Variants in SEMA5A observed in about 807,000 individuals in gnomAD.
SEMA5A encodes semaphorin-5A.
In SEMA5A, 55 loss-of-function variants were observed where a neutral mutation model predicts 135.5. That is an observed-to-expected ratio of 0.41 (90% CI 0.33 to 0.51). The LOEUF (loss-of-function observed/expected upper bound fraction) is 0.51. Ranked by LOEUF, SEMA5A falls within the 20% of genes least tolerant of loss-of-function variation. The probability of loss-of-function intolerance (pLI) is 0.37; values close to 1 mark genes in which losing one functional copy is unlikely to be tolerated. For synonymous variants in SEMA5A, 580 were observed against 546.5 expected, an observed-to-expected ratio of 1.06 and a Z score of -0.85; for missense variants, 1,290 against 1,419.9, an observed-to-expected ratio of 0.91 and a Z score of 1.47.
At chr5:9,269,618 T>C (rs1318400498) in intron 5 of SEMA5A, among the ~76,000 whole-genome samples, 4 of 152,146 alleles carry the variant, frequency 2.6e-5, no homozygotes, top group Non-Finnish European at 4.4e-5. Flanking sequence ...TAAAATAGAA[T>C]AGAAACATTG....
chr5:9,212,477 G>T (rs192205373), intron 8 of SEMA5A, among the ~76,000 whole-genome samples: 1 of 152,156 alleles, frequency 6.6e-6, no homozygotes, highest in Admixed American at 6.5e-5. Flanking sequence ...TAATGTTCCA[G>T]ATTCATCCAG....
rs988178790 is a variant in SEMA5A at position 9,041,780 on chromosome 5, C to A, written c.*1117G>T. Reference sequence around the variant, plus strand: ...ACTGGGGGTAGCACTTCGTGTGGACCTGGCAGACTCCAGAAAGCCAGCTTT... The same window carrying A: ...ACTGGGGGTAGCACTTCGTGTGGACATGGCAGACTCCAGAAAGCCAGCTTT... On this transcript the variant is annotated 3_prime_UTR_variant, in exon 23 of 23. Transcript: ENST00000382496. 1.3e-5 allele frequency: 2 copies of A among 152,612 alleles called. No individual in the cohort carries two copies. Among genetic ancestry groups the A allele is most frequent in the African/African-American group, 4.8e-5 (2 of 41,432 alleles). 9.5% of individuals were successfully genotyped at this position (152,612 alleles called of 1,614,324 possible).
rs143225913 is a variant in SEMA5A at position 9,193,902 on chromosome 5, C to A, written c.1068+3266G>T. 4.2e-3 allele frequency among the ~76,000 whole-genome samples: 643 copies of A among 152,200 alleles called. 1 individual carries two copies. Among genetic ancestry groups the A allele is most frequent in the African/African-American group, 0.014 (602 of 41,538 alleles). On this transcript the variant is annotated intron_variant, in intron 10 of 22. Transcript: ENST00000382496. ...ACAGAGCAAGACTCTGTCTCAAAAA[C>A]AAAACAAAACAAAACAAATCTGCTT... is the stretch of plus-strand genomic sequence containing the variant.
rs752425424 is a variant in SEMA5A at position 9,337,787 on chromosome 5, G to A, written c.150C>T (p.Phe50=). ...YKEIGPWLRE[F]RAKNAVDFSQ... ...AGAAATCCACAGCATTCTTCGCTCT[G>A]AACTCCCGTAACCAGGGGCCAATTT... The change falls in exon 4 of 23, where the codon TTC becomes TTT. Residue 50 remains phenylalanine (F), a synonymous_variant. Transcript: ENST00000382496. The A allele has an allele frequency of 2.5e-6, 4 of 1,610,056 alleles. No homozygotes were observed. Among genetic ancestry groups the A allele is most frequent in the Non-Finnish European group, 1.7e-6 (2 of 1,177,532 alleles).
chr5:9,435,428 G>C (rs1299019958), intron 2 of SEMA5A, among the ~76,000 whole-genome samples: 1 of 152,180 alleles, frequency 6.6e-6, no homozygotes, highest in Non-Finnish European at 1.5e-5. Context: ...GTGGGACTTA[G>C]ACTAACACAT....
intron 11 of SEMA5A, among the ~76,000 whole-genome samples, chr5:9,164,551 C>G (rs911061098): frequency 6.6e-6 from 1 of 151,924 alleles, no homozygotes; most frequent in Non-Finnish European, 1.5e-5. Flanking sequence ...TCATTTATTT[C>G]ACATAACCAC....
chr5:9,403,686 A>G (rs1272536084), intron 2 of SEMA5A, among the ~76,000 whole-genome samples: 1 of 152,228 alleles, frequency 6.6e-6, no homozygotes, highest in Non-Finnish European at 1.5e-5. Flanking sequence ...GCTCTGCTGA[A>G]AAATGAGCCA....
intron 20 of SEMA5A, among the ~76,000 whole-genome samples, chr5:9,051,327 A>T (rs1415330385): frequency 6.6e-6 from 1 of 152,226 alleles, no homozygotes; most frequent in Admixed American, 6.5e-5. Context: ...TTCATATAGC[A>T]CCTTCTCACA....
chr5:9,278,972 G>A (rs1158032452), intron 5 of SEMA5A, among the ~76,000 whole-genome samples: 2 of 152,240 alleles, frequency 1.3e-5, no homozygotes, highest in African/African-American at 4.8e-5. Flanking sequence ...CCCCAGTATG[G>A]ACTCCCCATT....
chr5:9,405,169 A>T (rs1435510384), intron 2 of SEMA5A, among the ~76,000 whole-genome samples: 2 of 152,210 alleles, frequency 1.3e-5, no homozygotes, highest in African/African-American at 4.8e-5. Context: ...TGTTGAAAAC[A>T]CCCACATGTT....
intron 16 of SEMA5A, among the ~76,000 whole-genome samples, chr5:9,089,228 T>C (rs1738897801): frequency 6.6e-6 from 1 of 152,228 alleles, no homozygotes; most frequent in South Asian, 2.1e-4. Flanking sequence ...CTGTAAGACA[T>C]GGCGCTAATG....
rs373427977 is a variant in SEMA5A at position 9,054,081 on chromosome 5, G to A, written c.2689+6C>T. The A allele has an allele frequency of 1.6e-4, 257 of 1,600,884 alleles. No individual in the cohort carries two copies. The African/African-American group carries it at 2.5e-3, about 16-fold the overall frequency. Reference sequence around the variant, plus strand: ...AAAGCTGTGCAGTAGGTGAGGTGCCGCTTACCTGGGCAGGGCTGCGTGTTG... The same window carrying A: ...AAAGCTGTGCAGTAGGTGAGGTGCCACTTACCTGGGCAGGGCTGCGTGTTG... On this transcript the variant is annotated splice_donor_region_variant and intron_variant, in intron 19 of 22. Transcript: ENST00000382496.
At chr5:9,472,866 T>C (rs1474445148) in intron 1 of SEMA5A, among the ~76,000 whole-genome samples, 1 of 150,626 alleles carries the variant, frequency 6.6e-6, no homozygotes, top group Non-Finnish European at 1.5e-5. Context: ...AAAATACATA[T>C]ACTTATATAG....
chr5:9,059,963 G>A (rs1462378523), intron 18 of SEMA5A, among the ~76,000 whole-genome samples: 3 of 152,214 alleles, frequency 2.0e-5, no homozygotes, highest in Non-Finnish European at 4.4e-5. Flanking sequence ...TAAATTCACA[G>A]GGGAGAGTAT....
rs1745043794 is a variant in SEMA5A, at chr5:9,190,455, TGGTCCAC to T, written c.1078_1084del (p.Val360ArgfsTer5). The T allele has an allele frequency of 6.2e-7, 1 of 1,613,412 alleles. No homozygotes were observed. The highest frequency in any genetic ancestry group is 1.3e-5 in the African/African-American group (1 of 75,018). ...CTCGGTCAGGTTCACGTACAGGCCC[TGGTCCAC>T]GGTGCCACACTGAAAGGGAAGACGG... On this transcript the variant is annotated frameshift_variant, in exon 11 of 23. Transcript: ENST00000382496. LOFTEE classifies it high-confidence loss of function.
At chr5:9,379,679 T>C (rs1755508797) in intron 3 of SEMA5A, 144 bp downstream of exon 3, 1 of 996,020 alleles carries the variant, frequency 1.0e-6, no homozygotes, top group Non-Finnish European at 1.5e-6. Flanking sequence ...GAGGCTTTTG[T>C]AGTTTTACCT....
intron 1 of SEMA5A, among the ~76,000 whole-genome samples, chr5:9,447,248 C>G (rs959349492): frequency 6.6e-6 from 1 of 152,170 alleles, no homozygotes; most frequent in African/African-American, 2.4e-5. Flanking sequence ...ATATTGGGCT[C>G]TCTGTGACTT....
chr5:9,514,903 C>T (rs528412407), intron 1 of SEMA5A, among the ~76,000 whole-genome samples: 4 of 152,296 alleles, frequency 2.6e-5, no homozygotes, highest in African/African-American at 9.6e-5. Context: ...CTCCATGCAT[C>T]ATTAACCTTA....
intron 1 of SEMA5A, among the ~76,000 whole-genome samples, chr5:9,527,525 C>G (rs544292386): frequency 6.6e-6 from 1 of 152,286 alleles, no homozygotes; most frequent in East Asian, 1.9e-4. Context: ...GTGCAGGTGA[C>G]CAAACAGAGG....
Sources: gnomAD v4.1 joint callset for allele counts (sites outside exome capture counted in the v4.1 genomes callset) on GRCh38, gnomAD v4.1.1 for gene constraint, MANE v1.5 for transcripts, NCBI Gene and HGNC (gene_info 2026-07-23, HGNC 2026-07-21) for gene names.